Variants in BFSP1 observed in about 807,000 individuals in gnomAD.
BFSP1 encodes the protein filensin.
BFSP1 carries 38 observed loss-of-function variants against 43.9 expected under a neutral mutation model. That is an observed-to-expected ratio of 0.87 (90% CI 0.67 to 1.14). The LOEUF (loss-of-function observed/expected upper bound fraction) is 1.14, where lower values mean the gene tolerates loss of function less well. BFSP1 is among the 50% of genes most tolerant of loss of function. The pLI is 0.00. For missense variants in BFSP1, 850 were observed against 875.1 expected, an observed-to-expected ratio of 0.97 and a Z score of 0.36; for synonymous variants, 352 against 354.8, an observed-to-expected ratio of 0.99 and a Z score of 0.09.
chr20:17,503,471 C>T (rs1018704915), intron 5 of BFSP1, among the ~76,000 whole-genome samples: 1 of 152,160 alleles, frequency 6.6e-6, no homozygotes, highest in Non-Finnish European at 1.5e-5. Context: ...CAGCCCAGAG[C>T]GGGGGTAGTG....
intron 1 of BFSP1, among the ~76,000 whole-genome samples, chr20:17,567,024 G>A (rs1057419103): frequency 3.3e-5 from 5 of 152,102 alleles, no homozygotes; most frequent in Non-Finnish European, 7.4e-5. Context: ...GCTGTCCAAA[G>A]GCCCCAACTT....
At chr20:17,502,483 T>C (rs2033827151) in intron 5 of BFSP1, among the ~76,000 whole-genome samples, 2 of 152,176 alleles carry the variant, frequency 1.3e-5, no homozygotes, top group South Asian at 4.1e-4. Flanking sequence ...AATCAAGACA[T>C]GACACCTAAA....
rs770547358 is a variant in BFSP1 at position 17,494,562 on chromosome 20, CAG to C, written c.1508_1509del (p.Ser503CysfsTer4). ...GGVAVSVAEDSVLYDGQVEPS... is the reference protein window; with the variant it reads ...GGVAVSVAEDXVLYDGQVEPS... ...GGCTCCACCTGGCCGTCATAAAGCA[CAG>C]AGTCTTCCGCAACAGAAACAGCCAC... On this transcript the variant is annotated frameshift_variant, in exon 8 of 8. Transcript: ENST00000377873. LOFTEE classifies it low-confidence loss of function (END_TRUNC). The C allele has an allele frequency of 2.5e-6, 4 of 1,614,104 alleles. No individual in the cohort carries two copies. The highest frequency in any genetic ancestry group is 4.5e-5 in the East Asian group (2 of 44,896).
intron 1 of BFSP1, among the ~76,000 whole-genome samples, chr20:17,556,306 C>A (rs2034989349): frequency 6.6e-6 from 1 of 151,874 alleles, no homozygotes; most frequent in Non-Finnish European, 1.5e-5. Context: ...AATTTGAGAC[C>A]AGCCTGGGCA....
At chr20:17,547,449 G>GA (rs2034822604) in intron 1 of BFSP1, among the ~76,000 whole-genome samples, 1 of 152,210 alleles carries the variant, frequency 6.6e-6, no homozygotes, top group Admixed American at 6.5e-5. Context: ...GTGTGGATTG[G>GA]AATATTTGGG....
chr20:17,553,867 AT>A (rs1241425980), intron 1 of BFSP1, among the ~76,000 whole-genome samples: 1 of 134,130 alleles, frequency 7.5e-6, no homozygotes, highest in East Asian at 2.3e-4. Context: ...ATACACATAT[AT>A]ATACATATAT....
At position 17,498,880 on chromosome 20, in the gene BFSP1, T is replaced by C. The variant is rs79865602; in HGVS notation, c.896A>G (p.Gln299Arg). The C allele has an allele frequency of 6.2e-7, 1 of 1,613,882 alleles. No individual in the cohort carries two copies. The highest frequency in any genetic ancestry group is 1.3e-5 in the African/African-American group (1 of 74,924). The change falls in exon 6 of 8, where the codon CAG (glutamine) becomes CGG (arginine). Residue 299 changes from glutamine (Q) to arginine (R), a missense_variant. Coordinates refer to ENST00000377873, the MANE Select transcript of BFSP1 (RefSeq NM_001195.5). Reference sequence around the variant, plus strand: ...GTCCAGCTCATTCTTCAGGGTTTGCTGGGCGACCGCCAGCTGCCGGCAGTC... The same window carrying C: ...GTCCAGCTCATTCTTCAGGGTTTGCCGGGCGACCGCCAGCTGCCGGCAGTC... ...SYDCRQLAVA[Q>R]QTLKNELDRY...
chr20:17,494,207 A>G lies in BFSP1; in HGVS notation c.1865T>C (p.Val622Ala), dbSNP rs1241467199. 3.1e-6 allele frequency: 5 copies of G among 1,613,930 alleles called. No homozygotes were observed. The African/African-American group carries it at 4.0e-5, about 13-fold the overall frequency. The part of the protein sequence containing the change: ...GPPKALAYKT[V>A]EVVESIEKIS... ...CTTCTCGATAGATTCCACCACTTCC[A>G]CTGTCTTATAGGCCAAAGCCTTGGG... Residue 622 changes from valine to alanine, a missense_variant, in exon 8 of 8, where the codon GTG becomes GCG. Transcript: ENST00000377873.
upstream of BFSP1, among the ~76,000 whole-genome samples, chr20:17,533,652 G>A (rs1377676231): frequency 6.6e-6 from 1 of 152,200 alleles, no homozygotes; most frequent in Non-Finnish European, 1.5e-5. Context: ...AAAGTCAAGA[G>A]GAAGCAAGGA....
At chr20:17,567,445 C>A (rs2035132086) in intron 1 of BFSP1, among the ~76,000 whole-genome samples, 1 of 152,074 alleles carries the variant, frequency 6.6e-6, no homozygotes, top group Admixed American at 6.6e-5. Flanking sequence ...AGGGAAAAAA[C>A]CATGAAACCT....
intron 5 of BFSP1, among the ~76,000 whole-genome samples, chr20:17,508,497 T>G (rs1161867585): frequency 6.6e-6 from 1 of 152,144 alleles, no homozygotes; most frequent in Non-Finnish European, 1.5e-5. Flanking sequence ...AAGTGGAGGA[T>G]AAAAATCCCT....
At chr20:17,534,235 T>TA (rs2034593406), upstream of BFSP1, among the ~76,000 whole-genome samples, 1 of 152,202 alleles carries the variant, frequency 6.6e-6, no homozygotes, top group South Asian at 2.1e-4. Context: ...ATGGAAGAGT[T>TA]ACTCTAAATA....
At chr20:17,506,628 A>G (rs945260545) in intron 5 of BFSP1, among the ~76,000 whole-genome samples, 3 of 150,636 alleles carry the variant, frequency 2.0e-5, no homozygotes, top group African/African-American at 7.4e-5. Flanking sequence ...AGGCTCAGGC[A>G]GTCCTCCCAT....
intron 1 of BFSP1, among the ~76,000 whole-genome samples, chr20:17,537,008 G>A (rs866153594): frequency 9.2e-5 from 14 of 152,166 alleles, no homozygotes; most frequent in African/African-American, 2.9e-4. Context: ...GGGTGGACCC[G>A]TCTGTGGTGC....
At chr20:17,514,578 C>T in intron 3 of BFSP1, 143 bp downstream of exon 3, 1 of 760,132 alleles carries the variant, frequency 1.3e-6, no homozygotes, top group Non-Finnish European at 2.3e-6. Flanking sequence ...GTCCAGTGAC[C>T]AATTCACCCC....
rs886246444 is a variant in BFSP1, at chr20:17,525,220, C to G, written c.378-312G>C. ...CACCCCAAGGATGAGGGAATTATATCCTAGCCTATCTATAACCCAAGTGCA... is the reference window on the plus strand; with the variant it reads ...CACCCCAAGGATGAGGGAATTATATGCTAGCCTATCTATAACCCAAGTGCA... On this transcript the variant is annotated intron_variant, in intron 1 of 7. Coordinates refer to ENST00000377873, the MANE Select transcript of BFSP1 (RefSeq NM_001195.5). The surrounding 1 kb of genome is among the most constrained non-coding windows in gnomAD (Gnocchi z 4.2). Among the ~76,000 whole-genome samples, 1 of 152,134 alleles carries G rather than the reference C, an allele frequency of 6.6e-6. No homozygotes were observed. Among genetic ancestry groups the G allele is most frequent in the Non-Finnish European group, 1.5e-5 (1 of 68,022 alleles).
At chr20:17,511,896 A>G (rs2034089225) in intron 4 of BFSP1, 80 bp downstream of exon 4, 1 of 1,317,688 alleles carries the variant, frequency 7.6e-7, no homozygotes, top group South Asian at 1.3e-5. Flanking sequence ...TCACAGTCCA[A>G]CCTGTGAGCC....
chr20:17,561,502 GA>G (rs561590149), upstream of BFSP1, among the ~76,000 whole-genome samples: 1,489 of 125,848 alleles, frequency 0.012, 19 homozygotes, highest in South Asian at 0.039. Context: ...CCGCCTCAAA[GA>G]AAAAAAAAAA....
chr20:17,514,878 C>T (rs1384487056), intron 2 of BFSP1, 62 bp from the exon 3 acceptor site: 19 of 1,483,140 alleles, frequency 1.3e-5, no homozygotes, highest in East Asian at 4.6e-5. Flanking sequence ...TAAAGCTGGC[C>T]GGGTATATGA....
Sources: allele counts gnomAD v4.1 joint callset (sites outside exome capture counted in the v4.1 genomes callset), GRCh38; gene constraint gnomAD v4.1.1; non-coding constraint Gnocchi (gnomAD v3.1); transcripts MANE v1.5; gene names NCBI Gene and HGNC (gene_info 2026-07-23, HGNC 2026-07-21).